Variants in KHDRBS3 observed in about 807,000 individuals in gnomAD.
KHDRBS3 encodes KH domain-containing, RNA-binding, signal transduction-associated protein 3.
KHDRBS3 carries 23 observed loss-of-function variants against 45.6 expected under a neutral mutation model. The ratio of observed to expected loss-of-function variants is 0.50; its 90% CI spans 0.36 to 0.72. The LOEUF (loss-of-function observed/expected upper bound fraction) is 0.72, where lower values mean the gene tolerates loss of function less well. Ranked by LOEUF, KHDRBS3 falls within the 30% of genes least tolerant of loss-of-function variation. KHDRBS3 has a pLI of 0.00. For synonymous variants in KHDRBS3, 162 were observed against 156.5 expected (o/e 1.04, Z -0.26); for missense variants, 352 against 424.8 (o/e 0.83, Z 1.51).
chr8:135,489,109 T>A (rs1006694342), intron 1 of KHDRBS3, among the ~76,000 whole-genome samples: 9 of 152,228 alleles, frequency 5.9e-5, no homozygotes, highest in African/African-American at 2.2e-4. Flanking sequence ...TAAATTATTG[T>A]CAAATTTTAG....
At chr8:135,643,920 A>G (rs552413134) in intron 7 of KHDRBS3, among the ~76,000 whole-genome samples, 13 of 152,310 alleles carry the variant, frequency 8.5e-5, no homozygotes, top group Admixed American at 4.6e-4. Context: ...GTGCTCCTCA[A>G]ACTGTGACTT....
chr8:135,586,367 TA>T (rs566762336), intron 6 of KHDRBS3, among the ~76,000 whole-genome samples: 187 of 151,892 alleles, frequency 1.2e-3, no homozygotes, highest in African/African-American at 4.2e-3. Context: ...AGGTTATAAA[TA>T]AAATCTCTTC....
chr8:135,552,620 A>G (rs1393012331), intron 4 of KHDRBS3, among the ~76,000 whole-genome samples: 2 of 151,796 alleles, frequency 1.3e-5, no homozygotes, highest in Admixed American at 6.6e-5. Flanking sequence ...TTTTCTTCCC[A>G]GAGGAGTTTT....
At chr8:135,646,257 A>G (rs1294137966) in intron 8 of KHDRBS3, among the ~76,000 whole-genome samples, 3 of 152,178 alleles carry the variant, frequency 2.0e-5, no homozygotes, top group Non-Finnish European at 4.4e-5. Flanking sequence ...CAAGACTTAT[A>G]GATAACTCAT....
chr8:135,468,045 C>G (rs943931508), intron 1 of KHDRBS3, among the ~76,000 whole-genome samples: 3 of 152,162 alleles, frequency 2.0e-5, no homozygotes, highest in African/African-American at 7.2e-5. Context: ...CAATCCCTCT[C>G]TCCCTCTTTG....
intron 1 of KHDRBS3, among the ~76,000 whole-genome samples, chr8:135,467,011 G>A (rs547555612): frequency 2.0e-5 from 3 of 152,272 alleles, no homozygotes; most frequent in African/African-American, 7.2e-5. Flanking sequence ...TAACAGAAAG[G>A]ATAAATGCTT....
intron 4 of KHDRBS3, among the ~76,000 whole-genome samples, chr8:135,552,608 T>C (rs1175168187): frequency 3.3e-5 from 5 of 152,164 alleles, no homozygotes; most frequent in African/African-American, 1.2e-4. Context: ...TAATCTGATG[T>C]ATTTTCTTCC....
chr8:135,565,146 A>G (rs566967323), intron 5 of KHDRBS3, among the ~76,000 whole-genome samples: 2 of 152,256 alleles, frequency 1.3e-5, no homozygotes, highest in South Asian at 2.1e-4. Flanking sequence ...ATTGTTCGTG[A>G]TTCCCGCTAA....
intron 6 of KHDRBS3, among the ~76,000 whole-genome samples, chr8:135,596,785 G>A (rs1828991357): frequency 6.6e-6 from 1 of 152,184 alleles, no homozygotes; most frequent in Non-Finnish European, 1.5e-5. Flanking sequence ...GGGTTCAGTA[G>A]CAGATTAGAC....
At chr8:135,651,702 T>G (rs2131219849), downstream of KHDRBS3, among the ~76,000 whole-genome samples, 1 of 152,352 alleles carries the variant, frequency 6.6e-6, no homozygotes, top group South Asian at 2.1e-4. Flanking sequence ...TTAGTGATTT[T>G]ACAGTGCCTT....
At chr8:135,574,141 T>C (rs921421932) in intron 5 of KHDRBS3, among the ~76,000 whole-genome samples, 1 of 152,120 alleles carries the variant, frequency 6.6e-6, no homozygotes, top group African/African-American at 2.4e-5. Flanking sequence ...GACAGGATTC[T>C]TGTGTTAGCA....
intron 4 of KHDRBS3, among the ~76,000 whole-genome samples, chr8:135,655,258 G>T (rs1339372070): frequency 6.6e-6 from 1 of 152,188 alleles, no homozygotes; most frequent in Non-Finnish European, 1.5e-5. Context: ...GTGACACTGA[G>T]ACGCCCACCG....
intron 5 of KHDRBS3, among the ~76,000 whole-genome samples, chr8:135,565,944 A>C (rs1323142132): frequency 6.6e-6 from 1 of 152,174 alleles, no homozygotes; most frequent in African/African-American, 2.4e-5. Flanking sequence ...TTTTATCCAA[A>C]GATTAGTTTT....
Position 135,631,905 on chromosome 8 carries a change from C to T in KHDRBS3, c.891-13154C>T, listed in dbSNP as rs182860621. On this transcript the variant is annotated intron_variant, in intron 7 of 8. Coordinates refer to ENST00000355849, the MANE Select transcript of KHDRBS3 (RefSeq NM_006558.3). ...CGGCAGCACAATAGATTTATTTACA[C>T]CAGTGTCACCAACACAAGTAATGCA... Among the ~76,000 whole-genome samples, 12 of 152,232 alleles carry T rather than the reference C, an allele frequency of 7.9e-5. No homozygotes were observed. The East Asian group carries it at 2.3e-3, about 29-fold the overall frequency.
At chr8:135,536,257 TTTTTTA>T (rs1825749316) in intron 2 of KHDRBS3, among the ~76,000 whole-genome samples, 3 of 146,228 alleles carry the variant, frequency 2.1e-5, no homozygotes, top group Admixed American at 6.8e-5. Context: ...TTTTTTTTTT[TTTTTTA>T]TTATTGTTTA....
At chr8:135,637,088 C>A (rs1830845105) in intron 7 of KHDRBS3, among the ~76,000 whole-genome samples, 1 of 152,116 alleles carries the variant, frequency 6.6e-6, no homozygotes, top group African/African-American at 2.4e-5. Context: ...ACTTGCATAA[C>A]CTAATTCTGG....
chr8:135,497,051 G>C (rs1159989476), intron 1 of KHDRBS3, among the ~76,000 whole-genome samples: 3 of 152,220 alleles, frequency 2.0e-5, no homozygotes, highest in Non-Finnish European at 2.9e-5. Context: ...TCAGTAAAGT[G>C]AGTCCAGACT....
chr8:135,645,353 T>C (rs1213187182), intron 8 of KHDRBS3, among the ~76,000 whole-genome samples: 1 of 152,204 alleles, frequency 6.6e-6, no homozygotes, highest in Non-Finnish European at 1.5e-5. Context: ...AATTTTATGT[T>C]TGAGTTGGTC....
intron 1 of KHDRBS3, among the ~76,000 whole-genome samples, chr8:135,512,436 G>GA (rs1554620164): frequency 7.7e-6 from 1 of 129,980 alleles, no homozygotes; most frequent in African/African-American, 2.9e-5. Context: ...AGTCGGGGGG[G>GA]GGGTAATAAC....
Sources: gnomAD v4.1 joint callset for allele counts (sites outside exome capture counted in the v4.1 genomes callset) on GRCh38, gnomAD v4.1.1 for gene constraint, MANE v1.5 for transcripts, NCBI Gene and HGNC (gene_info 2026-07-23, HGNC 2026-07-21) for gene names.